DSTYK: variants seen among roughly 807,000 people sequenced by gnomAD.
DSTYK encodes the protein dual serine/threonine and tyrosine protein kinase, also known as RIP-homologous kinase.
DSTYK carries 34 observed loss-of-function variants against 98.7 expected under a neutral mutation model. That is an observed-to-expected ratio of 0.34 (90% CI 0.26 to 0.46). The LOEUF is 0.46. Ranked by LOEUF, DSTYK falls within the 20% of genes least tolerant of loss-of-function variation. The pLI is 1.00. For synonymous variants in DSTYK, 462 were observed against 457.3 expected (o/e 1.01, Z -0.13); for missense variants, 962 against 1,181.7 (o/e 0.81, Z 2.73).
chr1:205,156,204 C>T (rs1171746116), intron 10 of DSTYK, among the ~76,000 whole-genome samples: 1 of 152,196 alleles, frequency 6.6e-6, no homozygotes, highest in African/African-American at 2.4e-5. Flanking sequence ...GTTGGAGCCC[C>T]CACAGAAAGT....
chr1:205,163,253 C>T (rs1437074064), intron 4 of DSTYK, among the ~76,000 whole-genome samples: 1 of 151,062 alleles, frequency 6.6e-6, no homozygotes, highest in East Asian at 1.9e-4. Context: ...GAGTTTCACT[C>T]TTGTCCCCCA....
rs1657263148 is a variant in DSTYK at position 205,147,226 on chromosome 1, T to C, written c.*332A>G. On this transcript the variant is annotated 3_prime_UTR_variant, in exon 13 of 13. Transcript: ENST00000367162. ...TGCCACTGCAGTGTCCCGCTTGCTG[T>C]CTTAGAAGTATATACAGTGAAAAGA... The C allele has an allele frequency of 5.1e-6, 1 of 195,946 alleles. No individual in the cohort carries two copies. The highest frequency in any genetic ancestry group is 2.3e-5 in the African/African-American group (1 of 43,388). The allele number at this position is 195,946 out of a possible 1,614,324, so 12.1% of individuals were successfully genotyped here.
At chr1:205,167,811 C>T (rs1189448946) in intron 3 of DSTYK, among the ~76,000 whole-genome samples, 2 of 152,142 alleles carry the variant, frequency 1.3e-5, no homozygotes, top group Admixed American at 6.5e-5. Flanking sequence ...AGATAGGTAT[C>T]GAATACGTAA....
At chr1:205,182,537 G>A (rs1156606460) in intron 2 of DSTYK, among the ~76,000 whole-genome samples, 1 of 147,906 alleles carries the variant, frequency 6.8e-6, no homozygotes, top group Non-Finnish European at 1.5e-5. Context: ...CAGGCGCTGT[G>A]GCTCACGCCT....
chr1:205,187,478 A>AT lies in DSTYK; in HGVS notation c.593dup (p.Asn198LysfsTer2). On this transcript the variant is annotated frameshift_variant, in exon 2 of 13. Coordinates refer to ENST00000367162, the MANE Select transcript of DSTYK (RefSeq NM_015375.3). LOFTEE classifies it high-confidence loss of function. The stretch of plus-strand genomic sequence containing the variant: ...CCGCTAAAACATGAGCAGCATCCTC[A>AT]TTGTTCTCTTGGACCTCCAGATCCT... 6.2e-7 allele frequency: 1 copy of AT among 1,614,168 alleles called. No homozygotes were observed. Among genetic ancestry groups the AT allele is most frequent in the Non-Finnish European group, 8.5e-7 (1 of 1,180,004 alleles).
chr1:205,168,729 T>A (rs1386953754), intron 3 of DSTYK, among the ~76,000 whole-genome samples: 1 of 152,196 alleles, frequency 6.6e-6, no homozygotes, highest in African/African-American at 2.4e-5. Flanking sequence ...ATCCTCCTGA[T>A]GTGGGCTTCA....
At chr1:205,153,771 T>C (rs1657470864) in intron 10 of DSTYK, among the ~76,000 whole-genome samples, 1 of 151,956 alleles carries the variant, frequency 6.6e-6, no homozygotes, top group South Asian at 2.1e-4. Context: ...TGGTGCGATC[T>C]TGGCTTACTG....
At chr1:205,187,845 T>C in intron 1 of DSTYK, 39 bp from the exon 2 acceptor site, 1 of 1,533,544 alleles carries the variant, frequency 6.5e-7, no homozygotes. Flanking sequence ...GAGAAAGGAG[T>C]AGAGAGAGAG....
At chr1:205,206,080 A>G (rs961809111) in intron 1 of DSTYK, among the ~76,000 whole-genome samples, 3 of 152,194 alleles carry the variant, frequency 2.0e-5, no homozygotes, top group African/African-American at 7.2e-5. Flanking sequence ...TGATAATTAT[A>G]ATTATTTTTT....
intron 3 of DSTYK, among the ~76,000 whole-genome samples, chr1:205,164,261 TG>T (rs1286635581): frequency 6.6e-6 from 1 of 151,980 alleles, no homozygotes; most frequent in African/African-American, 2.4e-5. Flanking sequence ...AAGATGAGCT[TG>T]GGTAACAGTG....
chr1:205,159,652 C>T lies in DSTYK; in HGVS notation c.2133G>A (p.Val711=), dbSNP rs1657660787. The T allele has an allele frequency of 6.2e-7, 1 of 1,613,718 alleles. No homozygotes were observed. The highest frequency in any genetic ancestry group is 8.5e-7 in the Non-Finnish European group (1 of 1,179,990). The part of the protein sequence containing the change: ...MRSLPKHERL[V]DLHGSVIDYN... ...AGTCAATGACTGAACCATGGAGATC[C>T]ACCAATCGCTCATGCTTCGGCAGAG... The change falls in exon 9 of 13, where the codon GTG becomes GTA. Residue 711 remains valine (V), a synonymous_variant. Transcript: ENST00000367162.
chr1:205,173,795 T>C (rs1658142724), intron 2 of DSTYK, among the ~76,000 whole-genome samples: 1 of 151,258 alleles, frequency 6.6e-6, no homozygotes, highest in South Asian at 2.1e-4. Context: ...CTTGGCTCAC[T>C]GCAACCTCTG....
intron 1 of DSTYK, among the ~76,000 whole-genome samples, chr1:205,189,123 C>T (rs1160543061): frequency 1.4e-5 from 2 of 146,520 alleles, no homozygotes; most frequent in African/African-American, 5.0e-5. Flanking sequence ...ACGTTTTGTA[C>T]AAAAAAAATA....
chr1:205,176,599 A>ATTTTATTTAT lies in DSTYK; in HGVS notation c.655-6777_655-6768dup, dbSNP rs1204140415. Among the ~76,000 whole-genome samples the ATTTTATTTAT allele has an allele frequency of 6.1e-5, 9 of 148,576 alleles. No homozygotes were observed. In the Admixed American group the frequency reaches 6.1e-4, roughly 10 times the overall value. ...TGGGTATAAAGTGTAAAATGACACTATTTTATTTATTTTTAAATTTTTTGT... is the reference window on the plus strand; with the variant it reads ...TGGGTATAAAGTGTAAAATGACACTATTTTATTTATTTTTATTTATTTTTAAATTTTTTGT... On this transcript the variant is annotated intron_variant, in intron 2 of 12. Transcript: ENST00000367162.
At chr1:205,187,866 G>A in intron 1 of DSTYK, 60 bp from the exon 2 acceptor site, 1 of 1,444,432 alleles carries the variant, frequency 6.9e-7, no homozygotes, top group Non-Finnish European at 9.3e-7. Flanking sequence ...GAGTGAGGAA[G>A]GGGAGAGAGA....
Position 205,157,369 on chromosome 1 carries a change from C to A in DSTYK, c.2256G>T (p.Glu752Asp), listed in dbSNP as rs764628186. ...YTGLKAGLTL[E>D]TRLQIALDVV... ...CATCTAGTGCTATCTGCAAACGTGT[C>A]TCCAGGGTCAGCCCAGCCTTGGGGA... The change falls in exon 10 of 13, where the codon GAG becomes GAT. Residue 752 changes from glutamate (E) to aspartate (D), a missense_variant. Transcript: ENST00000367162. 1.2e-6 allele frequency: 2 copies of A among 1,614,170 alleles called. No individual in the cohort carries two copies. The highest frequency in any genetic ancestry group is 1.7e-6 in the Non-Finnish European group (2 of 1,180,012).
chr1:205,187,922 G>C (rs887530818), intron 1 of DSTYK, 116 bp from the exon 2 acceptor site: 1 of 1,020,398 alleles, frequency 9.8e-7, no homozygotes, highest in African/African-American at 1.6e-5. Flanking sequence ...TCCTAGAGGA[G>C]AAATTTCTAG....
At chr1:205,175,874 G>A (rs1215118920) in intron 2 of DSTYK, among the ~76,000 whole-genome samples, 1 of 152,070 alleles carries the variant, frequency 6.6e-6, no homozygotes, top group African/African-American at 2.4e-5. Context: ...AAGAAATGAT[G>A]CTCAAAGCCA....
intron 2 of DSTYK, among the ~76,000 whole-genome samples, chr1:205,179,269 T>G (rs1558614981): frequency 6.6e-6 from 1 of 152,126 alleles, no homozygotes. Context: ...GAAGGCCCAC[T>G]GTGTGTCAAG....
Sources: gnomAD v4.1 joint callset for allele counts (sites outside exome capture counted in the v4.1 genomes callset) on GRCh38, gnomAD v4.1.1 for gene constraint, MANE v1.5 for transcripts, NCBI Gene and HGNC (gene_info 2026-07-23, HGNC 2026-07-21) for gene names.